NCAM2: variants seen among roughly 807,000 people sequenced by gnomAD.
NCAM2 encodes N-CAM-2.
In NCAM2, 30 loss-of-function variants were observed where a neutral mutation model predicts 98.1. The observed-to-expected ratio is 0.31, with a 90% CI of 0.23 to 0.41. NCAM2 has a LOEUF of 0.41. Among genes scored for constraint, NCAM2 ranks in the 10% least tolerant of loss-of-function variants. The probability of loss-of-function intolerance (pLI) is 1.00; values close to 1 mark genes in which losing one functional copy is unlikely to be tolerated. For synonymous variants in NCAM2, 368 were observed against 342.4 expected, an observed-to-expected ratio of 1.07 and a Z score of -0.83; for missense variants, 867 against 1,005.8, an observed-to-expected ratio of 0.86 and a Z score of 1.87.
At chr21:21,537,034 G>A (rs1047671899) in intron 17 of NCAM2, among the ~76,000 whole-genome samples, 3 of 152,000 alleles carry the variant, frequency 2.0e-5, no homozygotes, top group African/African-American at 7.2e-5. Flanking sequence ...ATGTTCATTT[G>A]CATTAAGTTC....
chr21:21,204,407 A>G (rs2069356027), intron 1 of NCAM2, among the ~76,000 whole-genome samples: 1 of 152,154 alleles, frequency 6.6e-6, no homozygotes, highest in Non-Finnish European at 1.5e-5. Flanking sequence ...AGAACACACT[A>G]TTTAACCTTG....
chr21:21,245,691 T>C (rs931153457), intron 1 of NCAM2, among the ~76,000 whole-genome samples: 2 of 152,230 alleles, frequency 1.3e-5, no homozygotes, highest in Non-Finnish European at 2.9e-5. Context: ...GTTCATAAAC[T>C]GTTTGTTTCA....
At chr21:21,471,792 G>C (rs2146236137) in intron 14 of NCAM2, among the ~76,000 whole-genome samples, 1 of 152,022 alleles carries the variant, frequency 6.6e-6, no homozygotes, top group South Asian at 2.1e-4. Flanking sequence ...TTATGAACCA[G>C]GAAACACCAT....
chr21:21,135,202 C>A (rs1448667658), intron 1 of NCAM2, among the ~76,000 whole-genome samples: 1 of 150,386 alleles, frequency 6.6e-6, no homozygotes, highest in Admixed American at 6.6e-5. Context: ...GCCAAGATTG[C>A]GCCACTGCAC....
chr21:21,351,135 A>AG (rs911731583), intron 8 of NCAM2, among the ~76,000 whole-genome samples: 9 of 149,690 alleles, frequency 6.0e-5, no homozygotes, highest in Non-Finnish European at 8.9e-5. Flanking sequence ...AAAAAAAAAA[A>AG]AAAAAAAGAA....
intron 1 of NCAM2, among the ~76,000 whole-genome samples, chr21:21,171,474 C>G (rs560589799): frequency 6.6e-6 from 1 of 152,114 alleles, no homozygotes; most frequent in African/African-American, 2.4e-5. Flanking sequence ...ATAAATTGCT[C>G]TAAGTCACAC....
chr21:21,447,385 A>T (rs1175978318), intron 12 of NCAM2, among the ~76,000 whole-genome samples: 1 of 152,168 alleles, frequency 6.6e-6, no homozygotes, highest in African/African-American at 2.4e-5. Flanking sequence ...CTTACACCTT[A>T]TACAAAAATT....
chr21:21,214,988 T>G (rs1051438254), intron 1 of NCAM2, among the ~76,000 whole-genome samples: 13 of 151,842 alleles, frequency 8.6e-5, no homozygotes, highest in African/African-American at 2.7e-4. Context: ...AGTGGAGTGA[T>G]GTAATCCTGG....
At chr21:21,486,533 G>A (rs1474028838) in intron 15 of NCAM2, among the ~76,000 whole-genome samples, 4 of 152,114 alleles carry the variant, frequency 2.6e-5, no homozygotes, top group South Asian at 4.1e-4. Context: ...TGTAGAAGGC[G>A]TTGATAAAAA....
intron 1 of NCAM2, among the ~76,000 whole-genome samples, chr21:21,225,308 A>G (rs2070337339): frequency 6.6e-6 from 1 of 152,056 alleles, no homozygotes; most frequent in African/African-American, 2.4e-5. Context: ...ACTGGACTTA[A>G]TACTTAGGTA....
intron 1 of NCAM2, among the ~76,000 whole-genome samples, chr21:21,238,658 C>T (rs2070941433): frequency 6.6e-6 from 1 of 151,986 alleles, no homozygotes; most frequent in Admixed American, 6.6e-5. Flanking sequence ...TTTGTTAACT[C>T]AGGCCTACAT....
At chr21:21,248,734 G>A (rs1307882876) in intron 1 of NCAM2, among the ~76,000 whole-genome samples, 2 of 129,192 alleles carry the variant, frequency 1.5e-5, no homozygotes, top group Non-Finnish European at 3.1e-5. Context: ...CTGAGATTGT[G>A]CCACTGCATT....
chr21:21,505,541 A>G (rs1190099215), intron 15 of NCAM2, among the ~76,000 whole-genome samples: 1 of 152,110 alleles, frequency 6.6e-6, no homozygotes, highest in Non-Finnish European at 1.5e-5. Flanking sequence ...AATGCTAAAA[A>G]GGTCACAGGA....
At chr21:21,211,468 G>C (rs963008158) in intron 1 of NCAM2, among the ~76,000 whole-genome samples, 1 of 152,100 alleles carries the variant, frequency 6.6e-6, no homozygotes, top group Non-Finnish European at 1.5e-5. Flanking sequence ...TCTGGAAATA[G>C]CCTTACCATA....
intron 16 of NCAM2, among the ~76,000 whole-genome samples, chr21:21,513,726 A>C (rs1006557040): frequency 1.3e-5 from 2 of 152,052 alleles, no homozygotes. Flanking sequence ...TCTATAGCAT[A>C]TTTTAGGACT....
intron 9 of NCAM2, among the ~76,000 whole-genome samples, chr21:21,409,484 C>T (rs1346513676): frequency 1.3e-5 from 2 of 151,982 alleles, no homozygotes; most frequent in Non-Finnish European, 1.5e-5. Context: ...TGTTGCCATT[C>T]CAGCTTAGAT....
At chr21:21,066,337 A>G (rs529985865) in intron 1 of NCAM2, among the ~76,000 whole-genome samples, 1 of 152,292 alleles carries the variant, frequency 6.6e-6, no homozygotes, top group Non-Finnish European at 1.5e-5. Flanking sequence ...ATATTAGCAC[A>G]TTTAAAAATG....
At chr21:21,457,193 G>T (rs2146171772) in intron 12 of NCAM2, among the ~76,000 whole-genome samples, 1 of 152,054 alleles carries the variant, frequency 6.6e-6, no homozygotes, top group South Asian at 2.1e-4. Flanking sequence ...AGGGAAAAAA[G>T]AGCTACATAG....
At position 21,212,742 on chromosome 21, in the gene NCAM2, CT is replaced by C. The variant is rs34111265; in HGVS notation, c.56-67818del. ...GTATGTAAATCTGCAATTATCTGTG[CT>C]TTTTTTTTTTTTTTTTTGAAGTGGA... On this transcript the variant is annotated intron_variant, in intron 1 of 17. Coordinates refer to ENST00000400546, the MANE Select transcript of NCAM2 (RefSeq NM_004540.5). 1.5e-3 allele frequency among the ~76,000 whole-genome samples: 193 copies of C among 124,736 alleles called. 2 individuals carry two copies. Among genetic ancestry groups the C allele is most frequent in the Middle Eastern group, 0.01 (2 of 198 alleles). The allele number at this position is 124,736 out of a possible 152,430, so 81.8% of individuals were successfully genotyped here.
Sources: allele counts gnomAD v4.1 joint callset (sites outside exome capture counted in the v4.1 genomes callset), GRCh38; gene constraint gnomAD v4.1.1; transcripts MANE v1.5; gene names NCBI Gene and HGNC (gene_info 2026-07-23, HGNC 2026-07-21).